The following PRIM2 variants were observed in gnomAD, a reference collection of about 807,000 sequenced individuals.
The protein encoded by PRIM2 is DNA primase subunit 2, also known as DNA primase large subunit.
PRIM2 carries 39 observed loss-of-function variants against 67.3 expected under a neutral mutation model. That is an observed-to-expected ratio of 0.58 (90% CI 0.45 to 0.76). PRIM2 has a LOEUF of 0.76. Ranked by LOEUF, PRIM2 falls within the 30% of genes least tolerant of loss-of-function variation. The pLI, the probability that PRIM2 is intolerant of heterozygous loss-of-function variation, is 0.00. For missense variants in PRIM2, 398 were observed against 598.7 expected (o/e 0.66, Z 3.50); for synonymous variants, 143 against 198.7 (o/e 0.72, Z 2.36).
intron 10 of PRIM2, among the ~76,000 whole-genome samples, chr6:57,539,333 T>A (rs1485265194): frequency 0.021 from 3,135 of 152,284 alleles, 42 homozygotes; most frequent in Non-Finnish European, 0.034. Flanking sequence ...CTAAAAATTG[T>A]CATTATATTA....
chr6:57,347,553 C>T (rs1214801902), intron 5 of PRIM2, among the ~76,000 whole-genome samples: 1 of 152,070 alleles, frequency 6.6e-6, no homozygotes, highest in Non-Finnish European at 1.5e-5. Flanking sequence ...CTGAAGTGAT[C>T]CTCCCACCTC....
chr6:57,334,366 A>C (rs1049327678), intron 5 of PRIM2, among the ~76,000 whole-genome samples: 1 of 152,212 alleles, frequency 6.6e-6, no homozygotes, highest in African/African-American at 2.4e-5. Flanking sequence ...GTGCTGCAGT[A>C]AATATGGGTG....
the PRIM2 span, among the ~76,000 whole-genome samples, chr6:57,225,840 A>G: frequency 5.9e-5 from 9 of 152,208 alleles, no homozygotes; most frequent in African/African-American, 2.2e-4. Flanking sequence ...GGCCATCTGG[A>G]AAAAACTAGT....
At chr6:57,416,298 T>C (rs12196773) in intron 7 of PRIM2, among the ~76,000 whole-genome samples, 3,385 of 152,286 alleles carry the variant, frequency 0.022, 58 homozygotes, top group Non-Finnish European at 0.03. Context: ...AGTAATATTT[T>C]GAAAGGAAAC....
chr6:57,503,681 G>A (rs1437586236), intron 7 of PRIM2, among the ~76,000 whole-genome samples: 5 of 151,978 alleles, frequency 3.3e-5, no homozygotes, highest in South Asian at 4.2e-4. Context: ...TGCGGGAGGC[G>A]GAGGTTGGAG....
chr6:57,297,671 A>G, the PRIM2 span, among the ~76,000 whole-genome samples: 1 of 152,196 alleles, frequency 6.6e-6, no homozygotes, highest in Non-Finnish European at 1.5e-5. Flanking sequence ...AAATGACAGA[A>G]GTTATCATTA....
At position 57,489,988 on chromosome 6, in the gene PRIM2, G is replaced by A. The variant is rs1465351840; in HGVS notation, c.694-17399G>A. Among the ~76,000 whole-genome samples the A allele has an allele frequency of 2.3e-5, 3 of 130,286 alleles. No homozygotes were observed. In the East Asian group the frequency reaches 6.6e-4, roughly 29 times the overall value. The allele number at this position is 130,286 out of a possible 152,430, so 85.5% of individuals were successfully genotyped here. Reference sequence around the variant, plus strand: ...TGATGTGACTTTCTCCAATTGCTTTGAGACAATGATTGCCTGCCCCTTGCC... The same window carrying A: ...TGATGTGACTTTCTCCAATTGCTTTAAGACAATGATTGCCTGCCCCTTGCC... On this transcript the variant is annotated intron_variant, in intron 7 of 13. Coordinates refer to ENST00000615550, the MANE Select transcript of PRIM2 (RefSeq NM_000947.5).
chr6:57,600,838 C>T (rs1281576970), intron 10 of PRIM2, among the ~76,000 whole-genome samples: 1 of 152,136 alleles, frequency 6.6e-6, no homozygotes, highest in Non-Finnish European at 1.5e-5. Context: ...TATCTTTAAA[C>T]GTATAGGTAA....
At chr6:57,427,404 C>T (rs1581894313) in intron 7 of PRIM2, among the ~76,000 whole-genome samples, 3 of 152,238 alleles carry the variant, frequency 2.0e-5, no homozygotes, top group East Asian at 1.9e-4. Context: ...CTTCAACCTC[C>T]GTCTCCTGGG....
chr6:57,318,702 C>T, intron 2 of PRIM2, 103 bp downstream of exon 2: 1 of 935,678 alleles, frequency 1.1e-6, no homozygotes, highest in South Asian at 1.7e-5. Context: ...GCAATCCATT[C>T]AACAAGTATT....
intron 10 of PRIM2, among the ~76,000 whole-genome samples, chr6:57,596,834 T>G (rs1259018906): frequency 6.6e-6 from 1 of 152,150 alleles, no homozygotes; most frequent in Non-Finnish European, 1.5e-5. Flanking sequence ...AAACTCTTTC[T>G]CAGTCTTTGT....
intron 5 of PRIM2, among the ~76,000 whole-genome samples, chr6:57,371,529 T>G (rs905356952): frequency 1.9e-4 from 29 of 152,200 alleles, no homozygotes; most frequent in Non-Finnish European, 3.8e-4. Flanking sequence ...TCAATTTCAG[T>G]TTTGCCAGAT....
chr6:57,256,008 C>T, the PRIM2 span, among the ~76,000 whole-genome samples: 6 of 135,906 alleles, frequency 4.4e-5, no homozygotes, highest in East Asian at 5.8e-4. Context: ...AATTTAGACA[C>T]GCACACACAC....
chr6:57,238,905 T>C, the PRIM2 span, among the ~76,000 whole-genome samples: 3 of 152,170 alleles, frequency 2.0e-5, no homozygotes, highest in Non-Finnish European at 4.4e-5. Context: ...TCAAGCTCCT[T>C]AGTATGACCT....
At chr6:57,444,619 G>A (rs370822569) in intron 7 of PRIM2, among the ~76,000 whole-genome samples, 5 of 151,492 alleles carry the variant, frequency 3.3e-5, no homozygotes, top group Non-Finnish European at 5.9e-5. Flanking sequence ...AATTTGTTTC[G>A]TTACTTGTAG....
chr6:57,473,264 G>A (rs1437925693), intron 7 of PRIM2, among the ~76,000 whole-genome samples: 272 of 152,240 alleles, frequency 1.8e-3, no homozygotes, highest in African/African-American at 4.1e-3. Context: ...AAGAGATTCT[G>A]GTCTTGTGAT....
chr6:57,571,570 C>T (rs1266475299), intron 10 of PRIM2, among the ~76,000 whole-genome samples: 3 of 151,976 alleles, frequency 2.0e-5, no homozygotes, highest in Non-Finnish European at 4.4e-5. Context: ...GAATTGCTTC[C>T]ACCTGGGAGG....
upstream of PRIM2, among the ~76,000 whole-genome samples, chr6:57,312,752 G>C (rs1335969473): frequency 6.6e-6 from 1 of 151,892 alleles, no homozygotes; most frequent in Non-Finnish European, 1.5e-5. Context: ...TTAATGTCTT[G>C]TTAAATAAAT....
At chr6:57,316,757 C>T (rs905716153), upstream of PRIM2, among the ~76,000 whole-genome samples, 1 of 152,228 alleles carries the variant, frequency 6.6e-6, no homozygotes, top group African/African-American at 2.4e-5. Flanking sequence ...TGTGGTGGCT[C>T]TGACGCCCCG....
Sources: allele counts gnomAD v4.1 joint callset (sites outside exome capture counted in the v4.1 genomes callset), GRCh38; gene constraint gnomAD v4.1.1; transcripts MANE v1.5; gene names NCBI Gene and HGNC (gene_info 2026-07-23, HGNC 2026-07-21).